Variants in CDC14B observed in about 807,000 individuals in gnomAD.
CDC14B encodes the protein cell division cycle 14B.
In CDC14B, 22 loss-of-function variants were observed where a neutral mutation model predicts 64.2. The ratio of observed to expected loss-of-function variants is 0.34; its 90% CI spans 0.24 to 0.49. The LOEUF is 0.49. Ranked by LOEUF, CDC14B falls within the 20% of genes least tolerant of loss-of-function variation. The probability of loss-of-function intolerance (pLI) is 0.99; values close to 1 mark genes in which losing one functional copy is unlikely to be tolerated. For missense variants in CDC14B, 498 were observed against 629.9 expected (o/e 0.79, Z 2.24); for synonymous variants, 191 against 215.8 (o/e 0.89, Z 1.01).
intron 1 of CDC14B, among the ~76,000 whole-genome samples, chr9:96,610,023 G>C (rs548129117): frequency 6.6e-6 from 1 of 151,940 alleles, no homozygotes; most frequent in Admixed American, 6.6e-5. Context: ...TATAAATAAT[G>C]CTGAGATTAA....
At chr9:96,532,453 T>C (rs1212591428) in intron 9 of CDC14B, among the ~76,000 whole-genome samples, 2 of 152,228 alleles carry the variant, frequency 1.3e-5, no homozygotes, top group Non-Finnish European at 2.9e-5. Context: ...CATGTTCACA[T>C]GGGCCTCTGA....
intron 9 of CDC14B, among the ~76,000 whole-genome samples, chr9:96,530,568 T>C (rs528362211): frequency 2.6e-5 from 4 of 151,610 alleles, no homozygotes; most frequent in South Asian, 2.1e-4. Context: ...CCAAGAGCCA[T>C]TGCACCTGGC....
intron 9 of CDC14B, among the ~76,000 whole-genome samples, chr9:96,530,415 G>A (rs1838278708): frequency 2.7e-5 from 4 of 149,360 alleles, no homozygotes; most frequent in South Asian, 2.1e-4. Flanking sequence ...GCCTTAGCAT[G>A]CGCCACGCCC....
chr9:96,540,413 G>A (rs952035871), intron 6 of CDC14B, among the ~76,000 whole-genome samples: 13 of 152,032 alleles, frequency 8.6e-5, no homozygotes, highest in African/African-American at 4.8e-5. Flanking sequence ...TGAGTGGATC[G>A]CTTGAGCTCA....
chr9:96,604,975 T>C (rs1387963527), intron 1 of CDC14B, among the ~76,000 whole-genome samples: 1 of 152,106 alleles, frequency 6.6e-6, no homozygotes, highest in African/African-American at 2.4e-5. Flanking sequence ...CAGCTGAAGC[T>C]TGCATTTTAA....
chr9:96,605,355 C>T (rs1364136420), intron 1 of CDC14B, among the ~76,000 whole-genome samples: 1 of 152,108 alleles, frequency 6.6e-6, no homozygotes. Context: ...TGAAAATGAT[C>T]ATTCCCCACT....
intron 1 of CDC14B, among the ~76,000 whole-genome samples, chr9:96,607,542 G>A (rs1005087748): frequency 2.0e-5 from 3 of 148,508 alleles, no homozygotes; most frequent in South Asian, 2.2e-4. Flanking sequence ...TGCCTCAGCC[G>A]CCTGAGTAGC....
chr9:96,517,242 T>A (rs1020263342), intron 12 of CDC14B, among the ~76,000 whole-genome samples: 4 of 150,046 alleles, frequency 2.7e-5, no homozygotes, highest in African/African-American at 9.8e-5. Context: ...CTCGGGAAGT[T>A]GGGGCAGGAG....
At chr9:96,562,125 G>C (rs17840739) in intron 4 of CDC14B, among the ~76,000 whole-genome samples, 2,732 of 152,312 alleles carry the variant, frequency 0.018, 79 homozygotes, top group African/African-American at 0.062. Flanking sequence ...TGGAGCACTT[G>C]ATGGCATATG....
At position 96,502,594 on chromosome 9, in the gene CDC14B, ATTTT is replaced by A. The variant is rs34988377; in HGVS notation, c.*1155_*1158del. On this transcript the variant is annotated 3_prime_UTR_variant, in exon 14 of 14. Coordinates refer to ENST00000375241, the MANE Select transcript of CDC14B (RefSeq NM_033331.4). ...TATATATTCTTTTATTTCGGGCCCCATTTTTTTTTTTTTTTTTAGCAGCACATCA... is the reference window on the plus strand; with the variant it reads ...TATATATTCTTTTATTTCGGGCCCCATTTTTTTTTTTTTAGCAGCACATCA... The A allele has an allele frequency of 2.8e-3, 718 of 252,614 alleles. No homozygotes were observed. Among genetic ancestry groups the A allele is most frequent in the Middle Eastern group, 6.2e-3 (6 of 964 alleles). The allele number at this position is 252,614 out of a possible 1,614,324, so 15.6% of individuals were successfully genotyped here.
At chr9:96,547,546 T>G (rs868025837) in intron 5 of CDC14B, among the ~76,000 whole-genome samples, 6 of 151,790 alleles carry the variant, frequency 4.0e-5, no homozygotes, top group Non-Finnish European at 8.8e-5. Context: ...TGAAGCCTCC[T>G]AGGCTTGAGG....
At chr9:96,495,641 T>C (rs1452225564), downstream of CDC14B, among the ~76,000 whole-genome samples, 1 of 152,148 alleles carries the variant, frequency 6.6e-6, no homozygotes, top group Non-Finnish European at 1.5e-5. Flanking sequence ...CCAGCGGTGA[T>C]GCTGGGGAAG....
intron 1 of CDC14B, among the ~76,000 whole-genome samples, chr9:96,609,729 A>G (rs1202863085): frequency 1.3e-5 from 2 of 152,242 alleles, no homozygotes; most frequent in Non-Finnish European, 2.9e-5. Flanking sequence ...AGCAGTGCCA[A>G]GAAAGTAATG....
chr9:96,580,959 C>T (rs1050355097), intron 1 of CDC14B, among the ~76,000 whole-genome samples: 8 of 152,140 alleles, frequency 5.3e-5, no homozygotes, highest in South Asian at 4.1e-4. Context: ...AAGCTCGGTG[C>T]GGTGGCTCAT....
chr9:96,510,165 T>C (rs1834719220), intron 12 of CDC14B, among the ~76,000 whole-genome samples: 1 of 152,208 alleles, frequency 6.6e-6, no homozygotes, highest in Admixed American at 6.5e-5. Flanking sequence ...GCTCAAATTC[T>C]AAAGAATAGG....
At chr9:96,540,135 T>A (rs938754415) in intron 6 of CDC14B, among the ~76,000 whole-genome samples, 3 of 152,230 alleles carry the variant, frequency 2.0e-5, no homozygotes, top group African/African-American at 7.2e-5. Flanking sequence ...CAGCTATTTC[T>A]AATAGAATGA....
intron 13 of CDC14B, among the ~76,000 whole-genome samples, chr9:96,505,634 TAAAAG>T (rs56411759): frequency 0.14 from 22,054 of 152,120 alleles, 1,672 homozygotes; most frequent in Non-Finnish European, 0.18. Flanking sequence ...TATTAATTCT[TAAAAG>T]AGAAAGGTTA....
intron 1 of CDC14B, among the ~76,000 whole-genome samples, chr9:96,577,283 C>T (rs1844872082): frequency 6.7e-6 from 1 of 149,872 alleles, no homozygotes; most frequent in Admixed American, 6.6e-5. Context: ...ATGAAAAGAT[C>T]ATAAAAAAAT....
At chr9:96,552,910 T>C (rs1284815408) in intron 4 of CDC14B, among the ~76,000 whole-genome samples, 1 of 152,188 alleles carries the variant, frequency 6.6e-6, no homozygotes, top group Non-Finnish European at 1.5e-5. Context: ...AAATAGATTT[T>C]AAATTTCACT....
Sources: allele counts gnomAD v4.1 joint callset (sites outside exome capture counted in the v4.1 genomes callset), GRCh38; gene constraint gnomAD v4.1.1; transcripts MANE v1.5; gene names NCBI Gene and HGNC (gene_info 2026-07-23, HGNC 2026-07-21).